EYA4: variants seen among roughly 807,000 people sequenced by gnomAD.
The protein encoded by EYA4 is EYA transcriptional coactivator and phosphatase 4.
EYA4 carries 31 observed loss-of-function variants against 87.9 expected under a neutral mutation model. The ratio of observed to expected loss-of-function variants is 0.35; its 90% CI spans 0.27 to 0.48. The LOEUF (loss-of-function observed/expected upper bound fraction) is 0.48, where lower values mean the gene tolerates loss of function less well. EYA4 is among the 20% of genes least tolerant of loss of function. The pLI is 0.99. For missense variants in EYA4, 678 were observed against 761.4 expected, an observed-to-expected ratio of 0.89 and a Z score of 1.29; for synonymous variants, 263 against 270.6, an observed-to-expected ratio of 0.97 and a Z score of 0.28.
intron 3 of EYA4, among the ~76,000 whole-genome samples, chr6:133,385,284 G>C: frequency 8.5e-6 from 1 of 118,256 alleles, no homozygotes; most frequent in Non-Finnish European, 1.7e-5. Flanking sequence ...GGGTGACAAA[G>C]CAAGACTCTG....
chr6:133,282,732 G>A (rs1318373560), intron 2 of EYA4, among the ~76,000 whole-genome samples: 2 of 152,154 alleles, frequency 1.3e-5, no homozygotes, highest in African/African-American at 4.8e-5. Flanking sequence ...TTTGTGTTAA[G>A]AAGGAACCTA....
intron 2 of EYA4, among the ~76,000 whole-genome samples, chr6:133,341,578 C>CTAG (rs1782782214): frequency 6.6e-6 from 1 of 151,904 alleles, no homozygotes; most frequent in African/African-American, 2.4e-5. Flanking sequence ...CTAATAAATT[C>CTAG]TAGTTTAAAG....
At chr6:133,448,025 C>A in intron 4 of EYA4, 86 bp from the exon 5 acceptor site, 1 of 1,069,252 alleles carries the variant, frequency 9.4e-7, no homozygotes. Context: ...GCTAAAAGGT[C>A]AGAAACCAGT....
intron 6 of EYA4, among the ~76,000 whole-genome samples, chr6:133,457,600 C>T (rs868404076): frequency 2.0e-5 from 3 of 151,840 alleles, no homozygotes; most frequent in Non-Finnish European, 4.4e-5. Context: ...TAGTTCACAC[C>T]GATTAGAAGC....
chr6:133,312,895 C>A (rs1780340626), intron 2 of EYA4, among the ~76,000 whole-genome samples: 1 of 151,444 alleles, frequency 6.6e-6, no homozygotes, highest in African/African-American at 2.4e-5. Flanking sequence ...ATAGGACTTT[C>A]TTCCATTTCC....
rs1252644821 is a variant in EYA4, at chr6:133,350,674, G to A, written c.34-31718G>A. 2.0e-5 allele frequency among the ~76,000 whole-genome samples: 3 copies of A among 152,024 alleles called. 1 individual carries two copies. The highest frequency in any genetic ancestry group is 2.4e-5 in the African/African-American group (1 of 41,312). On this transcript the variant is annotated intron_variant, in intron 2 of 19. Coordinates refer to ENST00000355286, the MANE Select transcript of EYA4 (RefSeq NM_004100.5). ...GGCCCCTGTGGCTCTATTCTTTGTC[G>A]TTTGCTCTCTGTATCTTTTTCGTAC...
At chr6:133,337,713 A>C (rs1782479593) in intron 2 of EYA4, among the ~76,000 whole-genome samples, 1 of 152,204 alleles carries the variant, frequency 6.6e-6, no homozygotes, top group South Asian at 2.1e-4. Flanking sequence ...ACAAATAATA[A>C]ACTCTTTTTA....
chr6:133,499,121 T>A (rs1236293113), intron 13 of EYA4, among the ~76,000 whole-genome samples: 1 of 152,198 alleles, frequency 6.6e-6, no homozygotes, highest in Non-Finnish European at 1.5e-5. Context: ...TTTCAGTTCC[T>A]TTGATCTCAG....
At chr6:133,287,298 A>G (rs917092319) in intron 2 of EYA4, among the ~76,000 whole-genome samples, 2 of 152,242 alleles carry the variant, frequency 1.3e-5, no homozygotes, top group South Asian at 2.1e-4. Context: ...ATAAAAGACA[A>G]GAAAGGAATT....
intron 2 of EYA4, among the ~76,000 whole-genome samples, chr6:133,354,408 T>G (rs2128431986): frequency 6.6e-6 from 1 of 152,244 alleles, no homozygotes; most frequent in South Asian, 2.1e-4. Context: ...AATTGTCCTA[T>G]TAGTAATAAT....
intron 10 of EYA4, among the ~76,000 whole-genome samples, chr6:133,468,033 A>T (rs541309215): frequency 6.6e-6 from 1 of 152,126 alleles, no homozygotes; most frequent in African/African-American, 2.4e-5. Flanking sequence ...AAAAAAAATA[A>T]TAATATTCAT....
At chr6:133,362,937 T>TC (rs1784564658) in intron 2 of EYA4, among the ~76,000 whole-genome samples, 1 of 152,210 alleles carries the variant, frequency 6.6e-6, no homozygotes. Flanking sequence ...CATGCCTCTC[T>TC]CCAAGTATGC....
At chr6:133,419,492 A>G (rs1048378274) in intron 3 of EYA4, among the ~76,000 whole-genome samples, 2 of 152,148 alleles carry the variant, frequency 1.3e-5, no homozygotes, top group African/African-American at 4.8e-5. Flanking sequence ...TAGGAAATGG[A>G]TTCTATCATA....
intron 7 of EYA4, among the ~76,000 whole-genome samples, chr6:133,461,541 C>A: frequency 6.6e-6 from 1 of 151,934 alleles, no homozygotes; most frequent in Admixed American, 6.6e-5. Context: ...GAAGAATATG[C>A]CTTATTGTTT....
At chr6:133,376,859 G>T (rs941954950) in intron 2 of EYA4, among the ~76,000 whole-genome samples, 20 of 151,862 alleles carry the variant, frequency 1.3e-4, no homozygotes, top group Admixed American at 1.3e-3. Flanking sequence ...TGTTACTTAC[G>T]TAAATACAAC....
At chr6:133,359,389 A>G (rs924091139) in intron 2 of EYA4, among the ~76,000 whole-genome samples, 2 of 152,156 alleles carry the variant, frequency 1.3e-5, no homozygotes, top group Non-Finnish European at 2.9e-5. Flanking sequence ...TGAAACCCTA[A>G]TGGGCTGTTG....
chr6:133,388,257 A>G (rs1786933746), intron 3 of EYA4, among the ~76,000 whole-genome samples: 1 of 151,756 alleles, frequency 6.6e-6, no homozygotes, highest in African/African-American at 2.4e-5. Flanking sequence ...AAATACAAAA[A>G]TTAGTAGGGC....
chr6:133,404,336 T>A (rs1249768574), intron 3 of EYA4, among the ~76,000 whole-genome samples: 2 of 152,240 alleles, frequency 1.3e-5, no homozygotes, highest in Non-Finnish European at 2.9e-5. Flanking sequence ...AATAACATCA[T>A]TCTGTCCATT....
intron 19 of EYA4, 43 bp from the exon 20 acceptor site, chr6:133,528,682 C>A: frequency 7.5e-7 from 1 of 1,335,994 alleles, no homozygotes; most frequent in Non-Finnish European, 1.1e-6. Flanking sequence ...TGCCTCATTC[C>A]TTCCCCTTCT....
Sources: allele counts gnomAD v4.1 joint callset (sites outside exome capture counted in the v4.1 genomes callset), GRCh38; gene constraint gnomAD v4.1.1; transcripts MANE v1.5; gene names NCBI Gene and HGNC (gene_info 2026-07-23, HGNC 2026-07-21).